Variants in NTRK3 observed in about 807,000 individuals in gnomAD.
The protein encoded by NTRK3 is NT-3 growth factor receptor.
Under a neutral mutation model 91.7 loss-of-function variants are expected in NTRK3, and 24 were observed. The ratio of observed to expected loss-of-function variants is 0.26; its 90% CI spans 0.19 to 0.37. NTRK3 has a LOEUF of 0.37. Among genes scored for constraint, NTRK3 ranks in the 10% least tolerant of loss-of-function variants. The pLI is 1.00. For missense variants in NTRK3, 880 were observed against 1,068.9 expected (o/e 0.82, Z 2.46); for synonymous variants, 483 against 404.0 (o/e 1.20, Z -2.34).
intron 3 of NTRK3, among the ~76,000 whole-genome samples, chr15:88,224,217 C>T (rs1408243810): frequency 6.6e-6 from 1 of 152,186 alleles, no homozygotes; most frequent in Non-Finnish European, 1.5e-5. Flanking sequence ...GATCAGGATG[C>T]TCCCTGCAAG....
exon 13 of NTRK3, chr15:88,126,305 G>T (rs2151106345): frequency 6.2e-7 from 1 of 1,614,052 alleles, no homozygotes; most frequent in Non-Finnish European, 8.5e-7. Flanking sequence ...GACCATATTT[G>T]TTGATCATGA....
intron 5 of NTRK3, among the ~76,000 whole-genome samples, chr15:88,173,328 T>C (rs999620851): frequency 6.6e-6 from 1 of 152,214 alleles, no homozygotes; most frequent in African/African-American, 2.4e-5. Context: ...TATCCCCTTC[T>C]TTCCCATTCT....
chr15:88,122,268 G>A (rs1455241478), intron 13 of NTRK3, among the ~76,000 whole-genome samples: 3 of 152,174 alleles, frequency 2.0e-5, no homozygotes, highest in African/African-American at 7.2e-5. Context: ...GTATGAAAAT[G>A]AACTGTTTAC....
At chr15:87,994,878 C>G (rs1375344208) in intron 14 of NTRK3, among the ~76,000 whole-genome samples, 1 of 152,004 alleles carries the variant, frequency 6.6e-6, no homozygotes, top group East Asian at 1.9e-4. Context: ...GATGTGGGCA[C>G]TGGTATGGAT....
intron 3 of NTRK3, among the ~76,000 whole-genome samples, chr15:88,242,189 C>G (rs973469886): frequency 6.6e-6 from 1 of 152,192 alleles, no homozygotes; most frequent in Non-Finnish European, 1.5e-5. Flanking sequence ...ATAAACTACC[C>G]ACAGCCCAAA....
At chr15:87,980,379 CTGTT>C (rs1567179256) in intron 14 of NTRK3, among the ~76,000 whole-genome samples, 2 of 151,162 alleles carry the variant, frequency 1.3e-5, no homozygotes, top group African/African-American at 4.9e-5. Flanking sequence ...ATGTGTGTAT[CTGTT>C]TGCATGTGTG....
At chr15:88,003,374 C>T (rs1410297254) in intron 14 of NTRK3, among the ~76,000 whole-genome samples, 1 of 152,162 alleles carries the variant, frequency 6.6e-6, no homozygotes, top group Non-Finnish European at 1.5e-5. Flanking sequence ...GTCAGAGCTC[C>T]CTAGAGAAAA....
chr15:88,254,348 T>C (rs930290681), intron 3 of NTRK3, among the ~76,000 whole-genome samples: 2 of 151,936 alleles, frequency 1.3e-5, no homozygotes, highest in African/African-American at 4.8e-5. Flanking sequence ...CACAGTTGGG[T>C]CTGTCCTGTT....
intron 3 of NTRK3, among the ~76,000 whole-genome samples, chr15:88,227,980 C>A (rs551308967): frequency 4.0e-4 from 61 of 152,324 alleles, no homozygotes; most frequent in South Asian, 1.9e-3. Context: ...GCCCTCACCT[C>A]TAGACACATA....
At chr15:88,225,736 G>A (rs1001572102) in intron 3 of NTRK3, among the ~76,000 whole-genome samples, 2 of 152,148 alleles carry the variant, frequency 1.3e-5, no homozygotes, top group East Asian at 3.9e-4. Flanking sequence ...ATGCAGACCA[G>A]ATCCAAAACC....
intron 5 of NTRK3, among the ~76,000 whole-genome samples, chr15:88,179,668 A>C (rs2046295610): frequency 6.6e-6 from 1 of 152,162 alleles, no homozygotes; most frequent in Non-Finnish European, 1.5e-5. Context: ...CAGCTGCAGA[A>C]GCTGGGCTCA....
At chr15:88,163,405 C>G (rs937208886) in intron 5 of NTRK3, among the ~76,000 whole-genome samples, 5 of 152,200 alleles carry the variant, frequency 3.3e-5, no homozygotes, top group African/African-American at 1.2e-4. Context: ...TATCCCTCCT[C>G]TGAGAAGCCT....
intron 5 of NTRK3, among the ~76,000 whole-genome samples, chr15:88,171,802 C>CT (rs2045545064): frequency 6.6e-6 from 1 of 152,258 alleles, no homozygotes; most frequent in African/African-American, 2.4e-5. Context: ...TTCCCTTCTT[C>CT]TTTCTCCCCC....
intron 17 of NTRK3, among the ~76,000 whole-genome samples, chr15:87,884,817 A>G (rs1416765613): frequency 2.0e-5 from 3 of 151,856 alleles, no homozygotes; most frequent in Non-Finnish European, 4.4e-5. Context: ...ATAGAAGGTA[A>G]CTTCCTTTAT....
chr15:88,223,495 G>A (rs2050414677), intron 3 of NTRK3, among the ~76,000 whole-genome samples: 1 of 152,238 alleles, frequency 6.6e-6, no homozygotes, highest in Non-Finnish European at 1.5e-5. Flanking sequence ...GTTTTGCAAG[G>A]GCCAGAGACT....
chr15:88,039,163 A>G (rs1025926628), intron 13 of NTRK3, among the ~76,000 whole-genome samples: 16 of 144,804 alleles, frequency 1.1e-4, no homozygotes, highest in South Asian at 9.0e-4. Flanking sequence ...ACACACACAC[A>G]CGCACAGAAA....
chr15:88,018,813 C>T (rs140640610), intron 14 of NTRK3, among the ~76,000 whole-genome samples: 16 of 152,248 alleles, frequency 1.1e-4, no homozygotes, highest in African/African-American at 3.1e-4. Flanking sequence ...AAAAGCACTA[C>T]GCAGTGTATG....
chr15:88,256,666 G>A, exon 1 of NTRK3: 1 of 405,256 alleles, frequency 2.5e-6, no homozygotes, highest in Non-Finnish European at 4.3e-6. Flanking sequence ...GAAAGGAAGA[G>A]AAGGAAGATG....
chr15:88,031,680 C>T (rs1474375109), intron 14 of NTRK3, among the ~76,000 whole-genome samples: 1 of 152,158 alleles, frequency 6.6e-6, no homozygotes, highest in Non-Finnish European at 1.5e-5. Context: ...AGCCCACTCC[C>T]TCCCACTGTG....
Sources: gnomAD v4.1 joint callset for allele counts (sites outside exome capture counted in the v4.1 genomes callset) on GRCh38, gnomAD v4.1.1 for gene constraint, MANE v1.5 for transcripts, NCBI Gene and HGNC (gene_info 2026-07-23, HGNC 2026-07-21) for gene names.